The following FBXO36 variants were observed in gnomAD, a reference collection of about 807,000 sequenced individuals.
The protein encoded by FBXO36 is F-box protein 36, also known as F-box only protein 36.
FBXO36 carries 18 observed loss-of-function variants against 17.0 expected under a neutral mutation model. The observed-to-expected ratio is 1.06, with a 90% confidence interval of 0.73 to 1.57. The LOEUF (loss-of-function observed/expected upper bound fraction) is 1.57. Ranked by LOEUF, FBXO36 falls within the 40% of genes most tolerant of loss-of-function variation. The pLI, the probability that FBXO36 is intolerant of heterozygous loss-of-function variation, is 0.00. For synonymous variants in FBXO36, 83 were observed against 85.3 expected (o/e 0.97, Z 0.15); for missense variants, 229 against 221.9 (o/e 1.03, Z -0.20).
At chr2:229,951,889 C>G (rs984294071) in intron 1 of FBXO36, among the ~76,000 whole-genome samples, 6 of 152,152 alleles carry the variant, frequency 3.9e-5, no homozygotes, top group Non-Finnish European at 8.8e-5. Flanking sequence ...ACAAAGGACC[C>G]TGGAATGCTT....
intron 1 of FBXO36, among the ~76,000 whole-genome samples, chr2:229,930,883 C>T (rs2076935379): frequency 6.6e-6 from 1 of 152,196 alleles, no homozygotes; most frequent in Admixed American, 6.5e-5. Context: ...CCCCTCACTG[C>T]TCCTCCTGAT....
At chr2:229,929,893 T>A (rs1428371776) in intron 1 of FBXO36, among the ~76,000 whole-genome samples, 1 of 152,248 alleles carries the variant, frequency 6.6e-6, no homozygotes. Flanking sequence ...ACTTCTAAGC[T>A]ATCATGCCCA....
intron 1 of FBXO36, among the ~76,000 whole-genome samples, chr2:229,944,882 C>T (rs2077018988): frequency 6.6e-6 from 1 of 152,068 alleles, no homozygotes; most frequent in Admixed American, 6.6e-5. Flanking sequence ...CGTGAGCCAC[C>T]ACACCCAGCC....
At chr2:229,956,867 C>A (rs2077090917) in intron 1 of FBXO36, among the ~76,000 whole-genome samples, 1 of 152,108 alleles carries the variant, frequency 6.6e-6, no homozygotes, top group Non-Finnish European at 1.5e-5. Context: ...GTTTTCTAAG[C>A]CCCAACAACA....
intron 1 of FBXO36, among the ~76,000 whole-genome samples, chr2:229,923,847 G>GTTTTTTTTTTTTTTTTTT (rs71045800): frequency 5.1e-5 from 4 of 77,710 alleles, no homozygotes; most frequent in Non-Finnish European, 9.2e-5. Context: ...TTTTGGTGTT[G>GTTTTTTTTTTTTTTTTTT]TTTTTTTTTT....
chr2:229,954,449 G>C (rs1357163535), intron 1 of FBXO36, among the ~76,000 whole-genome samples: 1 of 150,528 alleles, frequency 6.6e-6, no homozygotes, highest in Non-Finnish European at 1.5e-5. Context: ...TGCCCTGTTG[G>C]CTAGGCTGTT....
At chr2:229,990,788 A>G (rs2077293913) in intron 2 of FBXO36, among the ~76,000 whole-genome samples, 1 of 152,156 alleles carries the variant, frequency 6.6e-6, no homozygotes, top group Non-Finnish European at 1.5e-5. Flanking sequence ...CAAATTGTAT[A>G]CCATATGGAT....
chr2:229,932,226 A>G (rs2076942332), intron 1 of FBXO36, among the ~76,000 whole-genome samples: 1 of 152,134 alleles, frequency 6.6e-6, no homozygotes, highest in South Asian at 2.1e-4. Context: ...CTAAAAATAC[A>G]AAAATTAGCC....
At chr2:229,961,441 T>G (rs1351508233) in intron 1 of FBXO36, among the ~76,000 whole-genome samples, 1 of 152,110 alleles carries the variant, frequency 6.6e-6, no homozygotes, top group Non-Finnish European at 1.5e-5. Context: ...AGTGGTGCGA[T>G]CTCGGCTCAC....
chr2:229,939,783 C>T (rs1352668825), intron 1 of FBXO36, among the ~76,000 whole-genome samples: 2 of 152,152 alleles, frequency 1.3e-5, no homozygotes, highest in Non-Finnish European at 2.9e-5. Flanking sequence ...CCTCGAGACC[C>T]TATAGGAGCT....
intron 3 of FBXO36, among the ~76,000 whole-genome samples, chr2:230,001,880 T>C (rs186298358): frequency 2.5e-4 from 38 of 152,300 alleles, no homozygotes; most frequent in African/African-American, 8.9e-4. Flanking sequence ...TGCAGTGGCA[T>C]GATCTCTGCT....
intron 3 of FBXO36, among the ~76,000 whole-genome samples, chr2:230,008,051 G>A (rs545459474): frequency 4.6e-5 from 7 of 152,220 alleles, no homozygotes; most frequent in African/African-American, 1.4e-4. Context: ...TTGACCAATC[G>A]ATATTAAGGT....
chr2:229,951,058 C>T (rs935552336), intron 1 of FBXO36, among the ~76,000 whole-genome samples: 71 of 152,020 alleles, frequency 4.7e-4, no homozygotes, highest in African/African-American at 1.6e-3. Context: ...CTCAGCCTCC[C>T]GAGTAGCTGA....
chr2:229,995,592 C>T (rs376382416), intron 2 of FBXO36, among the ~76,000 whole-genome samples: 223 of 114,380 alleles, frequency 1.9e-3, no homozygotes, highest in Middle Eastern at 4.9e-3. Flanking sequence ...CTCTTTCTTT[C>T]TTTCTTTTTT....
intron 1 of FBXO36, among the ~76,000 whole-genome samples, chr2:229,976,017 G>A (rs973773344): frequency 2.0e-5 from 3 of 152,040 alleles, no homozygotes; most frequent in East Asian, 1.9e-4. Context: ...CGACCTGATC[G>A]ATTTTAAAAG....
chr2:229,969,532 CA>C (rs1191365694), intron 1 of FBXO36, among the ~76,000 whole-genome samples: 1 of 151,872 alleles, frequency 6.6e-6, no homozygotes, highest in South Asian at 2.1e-4. Flanking sequence ...ACTAAAAATA[CA>C]AAAAATTAGC....
At chr2:229,994,862 T>A (rs1198793994) in intron 2 of FBXO36, among the ~76,000 whole-genome samples, 2 of 152,152 alleles carry the variant, frequency 1.3e-5, no homozygotes, top group Non-Finnish European at 1.5e-5. Context: ...ATGCCTGTAA[T>A]CCCAGCACTT....
intron 1 of FBXO36, among the ~76,000 whole-genome samples, chr2:229,955,123 A>G (rs2077080171): frequency 6.6e-6 from 1 of 152,128 alleles, no homozygotes; most frequent in East Asian, 1.9e-4. Flanking sequence ...AAGTGTTGGG[A>G]TTACAGGTGT....
chr2:229,934,318 A>G lies in FBXO36; in HGVS notation c.96+11709A>G, dbSNP rs60749256. ...CGGGAGGCTGAGGCAGGAGAATGGC[A>G]TGAACCCGGGAGGCGGAGCTTGCAG... On this transcript the variant is annotated intron_variant, in intron 1 of 3. Coordinates refer to ENST00000283946, the MANE Select transcript of FBXO36 (RefSeq NM_174899.5). 5.3e-3 allele frequency among the ~76,000 whole-genome samples: 808 copies of G among 152,120 alleles called. 10 individuals carry two copies. Among genetic ancestry groups the G allele is most frequent in the African/African-American group, 0.019 (781 of 41,528 alleles).
Sources: allele counts gnomAD v4.1 joint callset (sites outside exome capture counted in the v4.1 genomes callset), GRCh38; gene constraint gnomAD v4.1.1; transcripts MANE v1.5; gene names NCBI Gene and HGNC (gene_info 2026-07-23, HGNC 2026-07-21).